The following SH3RF2 variants were observed in gnomAD, a reference collection of about 807,000 sequenced individuals.
SH3RF2 encodes the protein E3 ubiquitin-protein ligase SH3RF2.
SH3RF2 carries 43 observed loss-of-function variants against 59.0 expected under a neutral mutation model. The observed-to-expected ratio is 0.73, with a 90% CI of 0.57 to 0.94. The LOEUF is 0.94. Among genes scored for constraint, SH3RF2 ranks in the 40% least tolerant of loss-of-function variants. The pLI, the probability that SH3RF2 is intolerant of heterozygous loss-of-function variation, is 0.00. For missense variants in SH3RF2, 930 were observed against 940.1 expected (o/e 0.99, Z 0.14); for synonymous variants, 391 against 391.5 (o/e 1.00, Z 0.01).
At chr5:145,964,303 C>T (rs3062160) in intron 2 of SH3RF2, among the ~76,000 whole-genome samples, 7,751 of 120,294 alleles carry the variant, frequency 0.064, 844 homozygotes, top group African/African-American at 0.25. Flanking sequence ...TTCCTTCCTT[C>T]CTTTCTTTCT....
At chr5:145,962,313 A>G (rs1758661120) in intron 2 of SH3RF2, among the ~76,000 whole-genome samples, 1 of 152,232 alleles carries the variant, frequency 6.6e-6, no homozygotes, top group African/African-American at 2.4e-5. Flanking sequence ...CTGTGCGACA[A>G]ATATCTCAGT....
At chr5:145,970,221 C>T (rs1465741534) in intron 2 of SH3RF2, among the ~76,000 whole-genome samples, 1 of 151,816 alleles carries the variant, frequency 6.6e-6, no homozygotes, top group Admixed American at 6.6e-5. Flanking sequence ...CACCCATCAC[C>T]CAAGCAGTGT....
intron 5 of SH3RF2, among the ~76,000 whole-genome samples, chr5:146,039,369 A>G (rs906352463): frequency 6.6e-6 from 1 of 152,194 alleles, no homozygotes; most frequent in Non-Finnish European, 1.5e-5. Context: ...AAGAATTCAT[A>G]TCCAATATAT....
intron 5 of SH3RF2, among the ~76,000 whole-genome samples, chr5:146,031,471 A>G (rs890141648): frequency 7.9e-5 from 12 of 152,218 alleles, no homozygotes; most frequent in Non-Finnish European, 1.6e-4. Context: ...AAGAAAGAAG[A>G]TGTGAATGAG....
At chr5:146,020,177 C>T (rs554976334) in intron 5 of SH3RF2, among the ~76,000 whole-genome samples, 326 of 152,248 alleles carry the variant, frequency 2.1e-3, no homozygotes, top group Non-Finnish European at 3.6e-3. Context: ...GAAACAGGGT[C>T]CAGACTTGAG....
intron 2 of SH3RF2, among the ~76,000 whole-genome samples, chr5:145,954,868 C>T (rs937875913): frequency 4.7e-5 from 7 of 147,900 alleles, no homozygotes; most frequent in Non-Finnish European, 7.5e-5. Flanking sequence ...GAGCAAGGAG[C>T]GAGAGAGAGA....
chr5:145,940,422 A>G (rs1757773752), intron 2 of SH3RF2, among the ~76,000 whole-genome samples: 1 of 152,180 alleles, frequency 6.6e-6, no homozygotes, highest in African/African-American at 2.4e-5. Flanking sequence ...CAAAAATATT[A>G]CCTATCTTTT....
intron 4 of SH3RF2, among the ~76,000 whole-genome samples, chr5:146,010,250 T>C (rs2149990638): frequency 6.6e-6 from 1 of 152,362 alleles, no homozygotes; most frequent in East Asian, 1.9e-4. Context: ...GGTGTATATG[T>C]GCCACATTTT....
chr5:146,019,540 A>G (rs1185056166), intron 5 of SH3RF2, among the ~76,000 whole-genome samples: 2 of 152,142 alleles, frequency 1.3e-5, no homozygotes, highest in East Asian at 3.9e-4. Context: ...AAGTCAGGTA[A>G]TGTGATGCCT....
intron 4 of SH3RF2, among the ~76,000 whole-genome samples, chr5:146,011,096 A>G (rs1314845265): frequency 2.0e-5 from 3 of 152,140 alleles, no homozygotes; most frequent in Non-Finnish European, 2.9e-5. Context: ...CTTTCTACAT[A>G]TGGCTAGCCA....
chr5:146,056,279 A>G (rs1226448996), intron 8 of SH3RF2, 66 bp downstream of exon 8: 2 of 1,605,288 alleles, frequency 1.2e-6, no homozygotes, highest in Non-Finnish European at 1.7e-6. Flanking sequence ...CCAGGGGTAC[A>G]CAGGATGCTT....
chr5:146,043,376 C>T (rs1199178049), intron 5 of SH3RF2, among the ~76,000 whole-genome samples: 1 of 152,066 alleles, frequency 6.6e-6, no homozygotes, highest in East Asian at 1.9e-4. Flanking sequence ...TTCTCATCCC[C>T]TTCCCTAATT....
intron 2 of SH3RF2, among the ~76,000 whole-genome samples, chr5:145,972,157 A>G (rs1580794009): frequency 1.3e-5 from 2 of 152,210 alleles, no homozygotes; most frequent in African/African-American, 4.8e-5. Context: ...ACTACTCACT[A>G]TCTGATAATC....
At chr5:145,988,660 A>G (rs537299482) in intron 2 of SH3RF2, among the ~76,000 whole-genome samples, 1 of 152,048 alleles carries the variant, frequency 6.6e-6, no homozygotes, top group South Asian at 2.1e-4. Flanking sequence ...AAAACAAAAA[A>G]CTCACGCAGA....
intron 2 of SH3RF2, among the ~76,000 whole-genome samples, chr5:145,942,553 G>A (rs1455432982): frequency 2.0e-5 from 3 of 152,210 alleles, no homozygotes; most frequent in Non-Finnish European, 2.9e-5. Context: ...CTGAGTCTCA[G>A]AGGTTGTGTC....
chr5:146,064,485 C>T (rs1270903551), downstream of SH3RF2, among the ~76,000 whole-genome samples: 1 of 149,820 alleles, frequency 6.7e-6, no homozygotes, highest in Non-Finnish European at 1.5e-5. Context: ...TTATTGCATG[C>T]CCATCAATGT....
intron 3 of SH3RF2, 122 bp from the exon 4 acceptor site, chr5:146,003,936 A>T: frequency 1.5e-6 from 1 of 659,788 alleles, no homozygotes; most frequent in South Asian, 3.1e-5. Flanking sequence ...TTCCCAAATA[A>T]ATCAAGCACA....
chr5:145,954,311 A>G (rs192659355), intron 2 of SH3RF2, among the ~76,000 whole-genome samples: 202 of 152,280 alleles, frequency 1.3e-3, no homozygotes, highest in African/African-American at 4.7e-3. Context: ...ATGATCAGCG[A>G]TATTGAGCTT....
At chr5:146,031,104 G>A (rs1761726830) in intron 5 of SH3RF2, among the ~76,000 whole-genome samples, 1 of 152,154 alleles carries the variant, frequency 6.6e-6, no homozygotes, top group Non-Finnish European at 1.5e-5. Context: ...TGGTCACTTT[G>A]GGCCCTGTAG....
Sources: gnomAD v4.1 joint callset for allele counts (sites outside exome capture counted in the v4.1 genomes callset) on GRCh38, gnomAD v4.1.1 for gene constraint, MANE v1.5 for transcripts, NCBI Gene and HGNC (gene_info 2026-07-23, HGNC 2026-07-21) for gene names.